Variants in PRELID3A observed in about 807,000 individuals in gnomAD.
The protein encoded by PRELID3A is PRELI domain containing protein 3A.
Under a neutral mutation model 23.0 loss-of-function variants are expected in PRELID3A, and 27 were observed. The ratio of observed to expected loss-of-function variants is 1.17; its 90% confidence interval spans 0.87 to 1.62. The LOEUF (loss-of-function observed/expected upper bound fraction) is 1.62. Among genes scored for constraint, PRELID3A ranks in the 40% most tolerant of loss-of-function variants. The pLI, the probability that PRELID3A is intolerant of heterozygous loss-of-function variation, is 0.00. For synonymous variants in PRELID3A, 87 were observed against 86.4 expected (o/e 1.01, Z -0.04); for missense variants, 231 against 231.4 (o/e 1.00, Z 0.01).
rs1180567193 is a variant in PRELID3A, at chr18:12,432,200, C to G, written c.*1084C>G. 3 of 152,180 alleles carry G rather than the reference C, an allele frequency of 2.0e-5. No individual in the cohort carries two copies. The highest frequency in any genetic ancestry group is 2.0e-4 in the Admixed American group (3 of 15,266). The allele number at this position is 152,180 out of a possible 1,614,324, so 9.4% of individuals were successfully genotyped here. A position where few individuals can be genotyped will look rare whatever the true frequency, so the allele number is the denominator to read the frequency against. On this transcript the variant is annotated 3_prime_UTR_variant, in exon 7 of 7. Coordinates refer to ENST00000440960, the MANE Select transcript of PRELID3A (RefSeq NM_001142405.2). ...AGCGTATGTGTGGCCTTTCTCTTCC[C>G]TTCTTTTATTAAACACAGATAGGTT...
chr18:12,428,335 C>G lies in PRELID3A; in HGVS notation c.465+1012C>G, dbSNP rs550469609. ...TGTTCCTCACATTTAAAAGATGCCA[C>G]TTGCCAGAGCAGGGCCTTTGCTTTT... On this transcript the variant is annotated intron_variant, in intron 5 of 6. Coordinates refer to ENST00000440960, the MANE Select transcript of PRELID3A (RefSeq NM_001142405.2). Among the ~76,000 whole-genome samples the G allele has an allele frequency of 1.1e-4, 16 of 152,326 alleles. No homozygotes were observed. In the South Asian group the frequency reaches 1.7e-3, roughly 16 times the overall value.
chr18:12,423,049 G>A (rs1362283602), intron 3 of PRELID3A, among the ~76,000 whole-genome samples: 1 of 152,154 alleles, frequency 6.6e-6, no homozygotes. Flanking sequence ...ACCCACATAG[G>A]TGGCAGCGAG....
At chr18:12,416,891 A>C (rs1342983153) in intron 1 of PRELID3A, among the ~76,000 whole-genome samples, 1 of 151,970 alleles carries the variant, frequency 6.6e-6, no homozygotes, top group Non-Finnish European at 1.5e-5. Context: ...GCGATCCACC[A>C]GCCTCGGCCT....
chr18:12,431,355 C>CGTCT lies in PRELID3A; in HGVS notation c.*241_*244dup, dbSNP rs1668563021. On this transcript the variant is annotated 3_prime_UTR_variant, in exon 7 of 7. Transcript: ENST00000440960. Reference sequence around the variant, plus strand: ...CAGCCCCAGCCAGCCCCACCGCCGCCGTCTGCGTGGATGGAGGGCTCGAGG... The same window carrying CGTCT: ...CAGCCCCAGCCAGCCCCACCGCCGCCGTCTGTCTGCGTGGATGGAGGGCTCGAGG... 6.6e-6 allele frequency: 1 copy of CGTCT among 152,412 alleles called. No homozygotes were observed. The allele number at this position is 152,412 out of a possible 1,614,324, so 9.4% of individuals were successfully genotyped here. A position where few individuals can be genotyped will look rare whatever the true frequency, so the allele number is the denominator to read the frequency against.
In PRELID3A at chr18:12,421,203, C is replaced by G. The variant is rs545126982; in HGVS notation, c.202-337C>G. 1.9e-4 allele frequency: 50 copies of G among 259,600 alleles called. 1 individual carries two copies. Among genetic ancestry groups the G allele is most frequent in the South Asian group, 1.0e-3 (16 of 15,300 alleles). 16.1% of individuals were successfully genotyped at this position (259,600 alleles called of 1,614,324 possible). On this transcript the variant is annotated intron_variant, in intron 2 of 6. Coordinates refer to ENST00000440960, the MANE Select transcript of PRELID3A (RefSeq NM_001142405.2). ...CCTGCTGCCCCCAGCCTGACACCCC[C>G]ACCCCAGCACTATGGTGGTACCTTC...
intron 1 of PRELID3A, among the ~76,000 whole-genome samples, chr18:12,414,145 C>T (rs545078194): frequency 2.0e-5 from 3 of 152,058 alleles, no homozygotes. Flanking sequence ...ACCCCAGAGT[C>T]GAGGGACTTG....
At chr18:12,411,979 C>G (rs930532107) in intron 1 of PRELID3A, among the ~76,000 whole-genome samples, 2 of 149,924 alleles carry the variant, frequency 1.3e-5, no homozygotes, top group Non-Finnish European at 1.5e-5. Context: ...GGCGCAGTCT[C>G]GGCTCACTGC....
At position 12,420,532 on chromosome 18, in the gene PRELID3A, C is replaced by T. The variant is rs567875726; in HGVS notation, c.201+39C>T. ...GGGCTGCGGCTCCGAACGCGCCCGACTCCCCCACTCCCGCCCCCGCCCTCT... is the reference window on the plus strand; with the variant it reads ...GGGCTGCGGCTCCGAACGCGCCCGATTCCCCCACTCCCGCCCCCGCCCTCT... On this transcript the variant is annotated intron_variant, in intron 2 of 6. Coordinates refer to ENST00000440960, the MANE Select transcript of PRELID3A (RefSeq NM_001142405.2). 1.0e-4 allele frequency: 149 copies of T among 1,464,788 alleles called. 1 individual carries two copies. Among genetic ancestry groups the T allele is most frequent in the Admixed American group, 9.7e-4 (40 of 41,128 alleles). The allele number at this position is 1,464,788 out of a possible 1,614,324, so 90.7% of individuals were successfully genotyped here.
At chr18:12,416,795 G>A (rs1478634332) in intron 1 of PRELID3A, among the ~76,000 whole-genome samples, 4 of 151,840 alleles carry the variant, frequency 2.6e-5, no homozygotes, top group African/African-American at 7.3e-5. Flanking sequence ...ACAGACGCCT[G>A]CCACCGTGCC....
intron 5 of PRELID3A, among the ~76,000 whole-genome samples, chr18:12,429,007 G>A (rs1478624524): frequency 6.6e-6 from 1 of 152,218 alleles, no homozygotes; most frequent in Non-Finnish European, 1.5e-5. Flanking sequence ...CAGGTGCAGG[G>A]GATGGGGTTG....
intron 1 of PRELID3A, among the ~76,000 whole-genome samples, chr18:12,416,943 C>T (rs1037342494): frequency 1.6e-4 from 25 of 152,126 alleles, no homozygotes; most frequent in African/African-American, 5.6e-4. Flanking sequence ...CAGTACCCAG[C>T]CAGACAAGAC....
chr18:12,415,417 G>A (rs1316610554), intron 1 of PRELID3A, among the ~76,000 whole-genome samples: 3 of 151,884 alleles, frequency 2.0e-5, no homozygotes, highest in Admixed American at 6.6e-5. Context: ...GCGCCACCAT[G>A]CCCAGCTAAT....
chr18:12,430,475 TGTG>T (rs929195503), intron 6 of PRELID3A, among the ~76,000 whole-genome samples: 12 of 146,108 alleles, frequency 8.2e-5, no homozygotes, highest in East Asian at 4.3e-4. Context: ...TGTGTATATA[TGTG>T]GTGTGTGTGT....
chr18:12,427,346 T>A, intron 5 of PRELID3A, 23 bp downstream of exon 5: 1 of 1,499,332 alleles, frequency 6.7e-7, no homozygotes, highest in Non-Finnish European at 9.3e-7. Context: ...ATCCTAGGAG[T>A]CCTGTGTGTG....
chr18:12,421,338 G>A lies in PRELID3A; in HGVS notation c.202-202G>A, dbSNP rs550392328. 1.5e-5 allele frequency: 9 copies of A among 583,344 alleles called. No homozygotes were observed. The East Asian group carries it at 2.3e-4, about 15-fold the overall frequency. The allele number at this position is 583,344 out of a possible 1,614,324, so 36.1% of individuals were successfully genotyped here. On this transcript the variant is annotated intron_variant, in intron 2 of 6. Coordinates refer to ENST00000440960, the MANE Select transcript of PRELID3A (RefSeq NM_001142405.2). The stretch of plus-strand genomic sequence containing the variant: ...ATAGTGCTGCTGCACGCTCCACTCT[G>A]TTGGAATTCATTTCTTTGCTCAGTG...
intron 6 of PRELID3A, among the ~76,000 whole-genome samples, chr18:12,429,927 A>C (rs116479115): frequency 0.028 from 4,209 of 152,284 alleles, 204 homozygotes; most frequent in African/African-American, 0.095. Flanking sequence ...CGTTTCCTTG[A>C]GCTTCACGAA....
intron 5 of PRELID3A, among the ~76,000 whole-genome samples, chr18:12,428,121 C>T (rs2030438137): frequency 6.6e-6 from 1 of 152,198 alleles, no homozygotes; most frequent in Admixed American, 6.5e-5. Flanking sequence ...CTTCACAGCT[C>T]CTCTCTGGCA....
chr18:12,430,678 ATGTGATTGGTGTGTGC>A (rs2030554640), intron 6 of PRELID3A, among the ~76,000 whole-genome samples: 2 of 149,462 alleles, frequency 1.3e-5, no homozygotes, highest in African/African-American at 5.0e-5. Context: ...TATGATGTGT[ATGTGATTGGTGTGTGC>A]TGTGTGTGAA....
rs568697187 is a variant in PRELID3A, at chr18:12,413,152, A to T, written c.32+5145A>T. Among the ~76,000 whole-genome samples the T allele has an allele frequency of 2.6e-5, 4 of 152,346 alleles. No individual in the cohort carries two copies. In the East Asian group the frequency reaches 7.7e-4, roughly 29 times the overall value. ...AAGAAACGGTAGCTTCTTAACACTT[A>T]GTTGGAATACAAAACCTGAAACTAT... On this transcript the variant is annotated intron_variant, in intron 1 of 6. Coordinates refer to ENST00000440960, the MANE Select transcript of PRELID3A (RefSeq NM_001142405.2).
Sources: allele counts gnomAD v4.1 joint callset (sites outside exome capture counted in the v4.1 genomes callset), GRCh38; gene constraint gnomAD v4.1.1; transcripts MANE v1.5; gene names NCBI Gene and HGNC (gene_info 2026-07-23, HGNC 2026-07-21).